SYN3: variants seen among roughly 807,000 people sequenced by gnomAD.
SYN3 encodes the protein synapsin III, also known as synapsin-3.
A neutral mutation model predicts 65.8 loss-of-function variants in SYN3; 35 were observed. The ratio of observed to expected loss-of-function variants is 0.53; its 90% CI spans 0.41 to 0.70. The LOEUF (loss-of-function observed/expected upper bound fraction) is 0.70, where lower values mean the gene tolerates loss of function less well. Ranked by LOEUF, SYN3 falls within the 30% of genes least tolerant of loss-of-function variation. The pLI, the probability that SYN3 is intolerant of heterozygous loss-of-function variation, is 0.00. For synonymous variants in SYN3, 270 were observed against 292.9 expected, an observed-to-expected ratio of 0.92 and a Z score of 0.80; for missense variants, 680 against 749.0, an observed-to-expected ratio of 0.91 and a Z score of 1.08.
intron 6 of SYN3, among the ~76,000 whole-genome samples, chr22:32,597,655 T>C (rs1970183427): frequency 6.6e-6 from 1 of 152,186 alleles, no homozygotes; most frequent in Non-Finnish European, 1.5e-5. Flanking sequence ...CTGTACCACA[T>C]AGGCTCCGTG....
At chr22:32,702,337 G>C (rs569677392) in intron 6 of SYN3, among the ~76,000 whole-genome samples, 11 of 152,272 alleles carry the variant, frequency 7.2e-5, no homozygotes, top group African/African-American at 2.4e-4. Flanking sequence ...AATTAGCCGG[G>C]CGTGGTGGCG....
chr22:32,513,044 T>C lies in SYN3; in HGVS notation c.*648A>G, dbSNP rs975515499. On this transcript the variant is annotated 3_prime_UTR_variant, in exon 14 of 14. Coordinates refer to ENST00000358763, the MANE Select transcript of SYN3 (RefSeq NM_003490.4). The stretch of plus-strand genomic sequence containing the variant: ...CAAGGGCCCCCCTGTTTCTGTCGTG[T>C]TCTGAAAGACCCCACTTGTCATACA... The C allele has an allele frequency of 6.6e-6, 1 of 152,206 alleles. No homozygotes were observed. Among genetic ancestry groups the C allele is most frequent in the Non-Finnish European group, 1.5e-5 (1 of 68,010 alleles). The allele number at this position is 152,206 out of a possible 1,614,324, so 9.4% of individuals were successfully genotyped here.
At chr22:32,675,675 G>T (rs1483773632) in intron 6 of SYN3, among the ~76,000 whole-genome samples, 1 of 152,178 alleles carries the variant, frequency 6.6e-6, no homozygotes, top group East Asian at 1.9e-4. Flanking sequence ...GAAATCAAAG[G>T]TGCCACTTTT....
At chr22:32,875,102 G>A (rs2048949181) in intron 4 of SYN3, among the ~76,000 whole-genome samples, 1 of 152,264 alleles carries the variant, frequency 6.6e-6, no homozygotes, top group South Asian at 2.1e-4. Context: ...CCCGAGGACT[G>A]CAAGAAATTA....
At chr22:33,027,675 AAAAG>A (rs996883533) in intron 1 of SYN3, among the ~76,000 whole-genome samples, 3 of 151,936 alleles carry the variant, frequency 2.0e-5, no homozygotes, top group African/African-American at 7.2e-5. Flanking sequence ...AAAAAGAAAG[AAAAG>A]AAAGAAAGAG....
At chr22:32,987,632 C>T (rs1345621289) in intron 2 of SYN3, among the ~76,000 whole-genome samples, 1 of 152,188 alleles carries the variant, frequency 6.6e-6, no homozygotes, top group Non-Finnish European at 1.5e-5. Context: ...AGGCAAAAAA[C>T]TGAGACATAA....
At chr22:32,671,753 GCA>G (rs954001340) in intron 6 of SYN3, among the ~76,000 whole-genome samples, 37 of 137,584 alleles carry the variant, frequency 2.7e-4, no homozygotes, top group Non-Finnish European at 4.6e-5. Flanking sequence ...TCACACAGGT[GCA>G]CACACACTGT....
intron 3 of SYN3, among the ~76,000 whole-genome samples, chr22:32,965,453 A>G (rs1249314672): frequency 6.6e-6 from 1 of 152,082 alleles, no homozygotes; most frequent in Non-Finnish European, 1.5e-5. Flanking sequence ...TGTACCGAAT[A>G]AGTGTCCTGC....
chr22:32,608,049 C>G (rs1053071052), intron 6 of SYN3, among the ~76,000 whole-genome samples: 1 of 152,210 alleles, frequency 6.6e-6, no homozygotes, highest in Admixed American at 6.5e-5. Flanking sequence ...CTTTCCAAGT[C>G]AGATGACCCT....
chr22:33,021,253 A>T (rs2145860786), intron 1 of SYN3, among the ~76,000 whole-genome samples: 1 of 152,342 alleles, frequency 6.6e-6, no homozygotes, highest in East Asian at 1.9e-4. Context: ...CCTACTTCAC[A>T]GGTCTTTGAG....
chr22:33,042,278 C>T (rs1028779326), intron 1 of SYN3, among the ~76,000 whole-genome samples: 1 of 152,178 alleles, frequency 6.6e-6, no homozygotes, highest in African/African-American at 2.4e-5. Context: ...AGAGCCAACA[C>T]AGTTGAGAAC....
At chr22:32,695,733 A>G (rs2060727270) in intron 6 of SYN3, among the ~76,000 whole-genome samples, 2 of 152,188 alleles carry the variant, frequency 1.3e-5, no homozygotes, top group Admixed American at 6.5e-5. Context: ...GGCTATCCAC[A>G]TAGTGCCTTC....
At position 32,518,273 on chromosome 22, in the gene SYN3, C is replaced by G; in HGVS notation, c.1380G>C (p.Arg460Ser). The G allele has an allele frequency of 6.2e-7, 1 of 1,612,056 alleles. No homozygotes were observed. Among genetic ancestry groups the G allele is most frequent in the Non-Finnish European group, 8.5e-7 (1 of 1,178,886 alleles). Residue 460 changes from arginine to serine, a missense_variant, in exon 13 of 14, where the codon AGG becomes AGC. Transcript: ENST00000358763. ...PQRSGSPSQQ[R>S]LSPQGQQPLS... is the part of the protein sequence containing the mutation. ...GGGGCTGCTGGCCTTGTGGGGAGAG[C>G]CTCTGTTGGGAGGGGCTTCCAGATC...
At chr22:32,786,587 C>A (rs1189278770) in intron 6 of SYN3, among the ~76,000 whole-genome samples, 1 of 152,016 alleles carries the variant, frequency 6.6e-6, no homozygotes, top group Non-Finnish European at 1.5e-5. Context: ...TGGTCTCGAT[C>A]TCCTGACCTT....
rs1276852678 is a variant in SYN3, at chr22:32,960,232, C to A, written c.369+20413G>T. ...GCACGCCCTCTGAATGCAAACCAAC[C>A]AACGCAGGCTCAACCTCCTCTATAT... On this transcript the variant is annotated intron_variant, in intron 3 of 13. Coordinates refer to ENST00000358763, the MANE Select transcript of SYN3 (RefSeq NM_003490.4). Among the ~76,000 whole-genome samples, 8 of 152,180 alleles carry A rather than the reference C, an allele frequency of 5.3e-5. No individual in the cohort carries two copies. The East Asian group carries it at 1.5e-3, about 29-fold the overall frequency.
intron 6 of SYN3, among the ~76,000 whole-genome samples, chr22:32,811,784 A>T (rs1476014407): frequency 9.2e-5 from 14 of 152,300 alleles, no homozygotes; most frequent in African/African-American, 3.4e-4. Context: ...ATGGAATGGG[A>T]TTGGAACCCA....
rs368258713 is a variant in SYN3, at chr22:32,764,162, C to G, written c.711+100753G>C. Among the ~76,000 whole-genome samples, 5 of 152,058 alleles carry G rather than the reference C, an allele frequency of 3.3e-5. No individual in the cohort carries two copies. The East Asian group carries it at 7.7e-4, about 24-fold the overall frequency. On this transcript the variant is annotated intron_variant, in intron 6 of 13. Coordinates refer to ENST00000358763, the MANE Select transcript of SYN3 (RefSeq NM_003490.4). ...TTCTCCAGGTTGGCCAGGCTGGTCT[C>G]GAACTCCAGACCTCAGGTGATCCAC... is the stretch of plus-strand genomic sequence containing the variant.
chr22:32,741,845 A>C (rs2044780078), intron 6 of SYN3, among the ~76,000 whole-genome samples: 1 of 152,202 alleles, frequency 6.6e-6, no homozygotes, highest in African/African-American at 2.4e-5. Flanking sequence ...ATCAGATTAC[A>C]GTCAAATGTC....
At chr22:32,566,367 G>A (rs889859305) in intron 7 of SYN3, among the ~76,000 whole-genome samples, 4 of 152,136 alleles carry the variant, frequency 2.6e-5, no homozygotes, top group African/African-American at 9.7e-5. Context: ...GGAGGGATCT[G>A]TGGACAGTGA....
Sources: gnomAD v4.1 joint callset for allele counts (sites outside exome capture counted in the v4.1 genomes callset) on GRCh38, gnomAD v4.1.1 for gene constraint, MANE v1.5 for transcripts, NCBI Gene and HGNC (gene_info 2026-07-23, HGNC 2026-07-21) for gene names.